The following IPCEF1 variants were observed in gnomAD, a reference collection of about 807,000 sequenced individuals.
The protein encoded by IPCEF1 is interactor protein for cytohesin exchange factors 1.
A neutral mutation model predicts 50.9 loss-of-function variants in IPCEF1; 31 were observed. The observed-to-expected ratio is 0.61, with a 90% CI of 0.46 to 0.82. The LOEUF is 0.82. Among genes scored for constraint, IPCEF1 ranks in the 40% least tolerant of loss-of-function variants. The probability of loss-of-function intolerance (pLI) is 0.00; values close to 1 mark genes in which losing one functional copy is unlikely to be tolerated. For missense variants in IPCEF1, 458 were observed against 514.0 expected (o/e 0.89, Z 1.05); for synonymous variants, 181 against 192.0 (o/e 0.94, Z 0.47).
At chr6:154,300,666 G>A (rs1390476762) in intron 1 of IPCEF1, among the ~76,000 whole-genome samples, 1 of 151,970 alleles carries the variant, frequency 6.6e-6, no homozygotes, top group East Asian at 1.9e-4. Flanking sequence ...AAAAAAAGAA[G>A]CAAAGTAGAT....
intron 3 of IPCEF1, among the ~76,000 whole-genome samples, chr6:154,254,835 T>C (rs1033462525): frequency 3.3e-5 from 5 of 152,218 alleles, no homozygotes; most frequent in Non-Finnish European, 7.3e-5. Flanking sequence ...TAGGTGAGTT[T>C]AATCTACTTA....
intron 3 of IPCEF1, among the ~76,000 whole-genome samples, chr6:154,259,174 G>A (rs1158832856): frequency 1.3e-5 from 2 of 152,196 alleles, no homozygotes; most frequent in African/African-American, 4.8e-5. Flanking sequence ...CCATAGGATT[G>A]ACTGACATGA....
intron 5 of IPCEF1, among the ~76,000 whole-genome samples, chr6:154,239,050 C>G (rs570750622): frequency 2.0e-5 from 3 of 152,050 alleles, no homozygotes; most frequent in Non-Finnish European, 4.4e-5. Context: ...GAAGACTGTC[C>G]TCTAAAATAC....
At chr6:154,301,973 A>G (rs1782808258) in intron 1 of IPCEF1, among the ~76,000 whole-genome samples, 1 of 152,226 alleles carries the variant, frequency 6.6e-6, no homozygotes, top group African/African-American at 2.4e-5. Context: ...TATGACATCT[A>G]TTTGAGCGCT....
At chr6:154,269,858 T>C (rs971639518) in intron 2 of IPCEF1, among the ~76,000 whole-genome samples, 1 of 152,238 alleles carries the variant, frequency 6.6e-6, no homozygotes, top group Non-Finnish European at 1.5e-5. Context: ...CAATGAGAAC[T>C]GGTTCAGCTA....
chr6:154,217,921 C>A (rs1335440285), intron 7 of IPCEF1, among the ~76,000 whole-genome samples: 5 of 152,174 alleles, frequency 3.3e-5, no homozygotes, highest in African/African-American at 1.2e-4. Flanking sequence ...AAATAGAAGA[C>A]TGTTGACAAT....
At chr6:154,223,486 A>T (rs1779022893) in intron 5 of IPCEF1, among the ~76,000 whole-genome samples, 1 of 152,132 alleles carries the variant, frequency 6.6e-6, no homozygotes, top group Non-Finnish European at 1.5e-5. Flanking sequence ...CAGCTTAGGG[A>T]TGGTCACCAT....
chr6:154,202,593 A>G (rs1342503515), intron 9 of IPCEF1, among the ~76,000 whole-genome samples: 1 of 152,194 alleles, frequency 6.6e-6, no homozygotes, highest in Non-Finnish European at 1.5e-5. Context: ...TGCTGACTCT[A>G]CTTTAAATTA....
intron 1 of IPCEF1, among the ~76,000 whole-genome samples, chr6:154,294,792 C>T (rs1014534912): frequency 6.6e-6 from 1 of 151,828 alleles, no homozygotes; most frequent in African/African-American, 2.4e-5. Context: ...AAGAACCTGG[C>T]TTTTAGCTGA....
intron 9 of IPCEF1, among the ~76,000 whole-genome samples, chr6:154,206,985 A>G (rs1182732906): frequency 1.3e-5 from 2 of 152,230 alleles, no homozygotes; most frequent in Non-Finnish European, 2.9e-5. Context: ...AATTCACTGG[A>G]AGCTTTTGTG....
At chr6:154,291,013 C>A (rs1050486932) in intron 1 of IPCEF1, among the ~76,000 whole-genome samples, 1 of 151,880 alleles carries the variant, frequency 6.6e-6, no homozygotes, top group Non-Finnish European at 1.5e-5. Context: ...CCTGCCCCAG[C>A]CTCCTGAGTA....
At chr6:154,257,851 C>T (rs957107316) in intron 3 of IPCEF1, among the ~76,000 whole-genome samples, 1 of 152,142 alleles carries the variant, frequency 6.6e-6, no homozygotes, top group South Asian at 2.1e-4. Flanking sequence ...TATAGGCACA[C>T]ACCAGGACAT....
intron 1 of IPCEF1, among the ~76,000 whole-genome samples, chr6:154,311,766 C>G (rs1260258262): frequency 6.6e-6 from 1 of 152,010 alleles, no homozygotes; most frequent in Admixed American, 6.6e-5. Flanking sequence ...GTTAGAATGG[C>G]TATTTTCAAA....
intron 10 of IPCEF1, among the ~76,000 whole-genome samples, chr6:154,170,542 T>A (rs1489561452): frequency 1.3e-5 from 2 of 152,214 alleles, no homozygotes; most frequent in Non-Finnish European, 2.9e-5. Flanking sequence ...TGACTTAAAA[T>A]GTTCATCAGC....
intron 1 of IPCEF1, among the ~76,000 whole-genome samples, chr6:154,316,349 G>A (rs77439250): frequency 6.1e-4 from 93 of 152,226 alleles, no homozygotes; most frequent in African/African-American, 2.0e-3. Flanking sequence ...TCACTTTATT[G>A]TGATACTTAC....
Position 154,319,904 on chromosome 6 carries a change from A to G in IPCEF1, c.-61-30148T>C, listed in dbSNP as rs192349913. Among the ~76,000 whole-genome samples the G allele has an allele frequency of 2.0e-5, 3 of 152,300 alleles. No individual in the cohort carries two copies. The East Asian group carries it at 5.8e-4, about 29-fold the overall frequency. ...TCTCTTAATCATCGCTGTATCCCCA[A>G]AATTTTAAATCACAACATAAATATC... On this transcript the variant is annotated intron_variant, in intron 1 of 11. Transcript: ENST00000367220.
chr6:154,327,739 G>T (rs1358206321), intron 1 of IPCEF1, among the ~76,000 whole-genome samples: 1 of 152,168 alleles, frequency 6.6e-6, no homozygotes, highest in Admixed American at 6.5e-5. Flanking sequence ...CAAAGGAATA[G>T]AAATCATTCT....
chr6:154,314,334 C>G (rs1783160090), intron 1 of IPCEF1, among the ~76,000 whole-genome samples: 1 of 152,084 alleles, frequency 6.6e-6, no homozygotes, highest in Admixed American at 6.6e-5. Context: ...CCCAGTAACT[C>G]TTGCAAAAGA....
intron 10 of IPCEF1, among the ~76,000 whole-genome samples, chr6:154,183,139 C>T (rs576997915): frequency 4.4e-4 from 67 of 152,094 alleles, no homozygotes; most frequent in African/African-American, 1.5e-3. Context: ...GCCACCACAC[C>T]CGGCTAATTT....
Sources: allele counts gnomAD v4.1 joint callset (sites outside exome capture counted in the v4.1 genomes callset), GRCh38; gene constraint gnomAD v4.1.1; transcripts MANE v1.5; gene names NCBI Gene and HGNC (gene_info 2026-07-23, HGNC 2026-07-21).